The following SEC14L5 variants were observed in gnomAD, a reference collection of about 807,000 sequenced individuals.
SEC14L5 encodes SEC14 like lipid binding 5.
A neutral mutation model predicts 84.6 loss-of-function variants in SEC14L5; 96 were observed. The observed-to-expected ratio is 1.13, with a 90% confidence interval of 0.96 to 1.34. The LOEUF (loss-of-function observed/expected upper bound fraction) is 1.34. Among genes scored for constraint, SEC14L5 ranks in the 40% most tolerant of loss-of-function variants. The pLI, the probability that SEC14L5 is intolerant of heterozygous loss-of-function variation, is 0.00. For synonymous variants in SEC14L5, 546 were observed against 383.4 expected (o/e 1.42, Z -4.95); for missense variants, 1,224 against 942.5 (o/e 1.30, Z -3.91).
intron 3 of SEC14L5, 86 bp from the exon 4 acceptor site, chr16:4,988,063 T>G: frequency 6.9e-7 from 1 of 1,459,204 alleles, no homozygotes; most frequent in Non-Finnish European, 9.4e-7. Flanking sequence ...AGGGGGTGAC[T>G]GGGGCAGGCC....
intron 15 of SEC14L5, among the ~76,000 whole-genome samples, chr16:5,013,428 C>T (rs1955831070): frequency 6.6e-6 from 1 of 151,998 alleles, no homozygotes; most frequent in African/African-American, 2.4e-5. Flanking sequence ...GCTCTGTTAC[C>T]CAGGCTGGAG....
chr16:4,976,801 C>G (rs887084508), intron 2 of SEC14L5, among the ~76,000 whole-genome samples: 3 of 152,198 alleles, frequency 2.0e-5, no homozygotes, highest in African/African-American at 4.8e-5. Flanking sequence ...GTAACTGAAT[C>G]CTTCTGTGGC....
chr16:4,982,630 A>G (rs2142497298), intron 2 of SEC14L5, among the ~76,000 whole-genome samples: 1 of 152,322 alleles, frequency 6.6e-6, no homozygotes, highest in East Asian at 1.9e-4. Flanking sequence ...GCACAGTGGC[A>G]TGGAATCCAG....
At position 5,008,414 on chromosome 16, in the gene SEC14L5, C is replaced by T. The variant is rs764161543; in HGVS notation, c.1573-7C>T. ...GTGACTCTCAGACCTCGCCTGTCTC[C>T]ACACAGGTGGCCGTGGAGATCCTGG... On this transcript the variant is annotated splice_polypyrimidine_tract_variant and splice_region_variant and intron_variant, in intron 13 of 15. Transcript: ENST00000251170. 10 of 1,605,342 alleles carry T rather than the reference C, an allele frequency of 6.2e-6. No individual in the cohort carries two copies. The East Asian group carries it at 2.2e-4, about 36-fold the overall frequency.
intron 2 of SEC14L5, among the ~76,000 whole-genome samples, chr16:4,967,904 C>T (rs1041013119): frequency 6.7e-6 from 1 of 149,310 alleles, no homozygotes; most frequent in Non-Finnish European, 1.5e-5. Context: ...CACCTGGCCT[C>T]CTTCCTTCCT....
At chr16:5,011,074 G>A in intron 14 of SEC14L5, 21 bp from the exon 15 acceptor site, 1 of 1,575,550 alleles carries the variant, frequency 6.3e-7, no homozygotes, top group Non-Finnish European at 8.6e-7. Context: ...AGGGCCTCAG[G>A]GCAGGGCTGA....
chr16:4,999,433 C>T lies in SEC14L5; in HGVS notation c.971-1222C>T, dbSNP rs147604136. ...CAGCCTGGGCAACATAGTGAGCTCG[C>T]CCCCCTCCACCACATCTCCACAAAA... On this transcript the variant is annotated intron_variant, in intron 8 of 15. Transcript: ENST00000251170. Among the ~76,000 whole-genome samples, 597 of 151,318 alleles carry T rather than the reference C, an allele frequency of 3.9e-3. 5 individuals are homozygous for T. The highest frequency in any genetic ancestry group is 0.014 in the African/African-American group (565 of 41,188).
chr16:4,970,642 G>A (rs1304692996), intron 2 of SEC14L5, among the ~76,000 whole-genome samples: 1 of 152,210 alleles, frequency 6.6e-6, no homozygotes, highest in Non-Finnish European at 1.5e-5. Context: ...CCTGGGCCCC[G>A]CTCCTGACAC....
chr16:5,013,863 T>G (rs1955837442), intron 15 of SEC14L5, among the ~76,000 whole-genome samples: 1 of 152,116 alleles, frequency 6.6e-6, no homozygotes, highest in African/African-American at 2.4e-5. Context: ...TGGCCACTTT[T>G]AAAATTTTTT....
intron 15 of SEC14L5, among the ~76,000 whole-genome samples, chr16:5,014,200 T>A (rs533011329): frequency 5.9e-5 from 9 of 152,318 alleles, no homozygotes; most frequent in Non-Finnish European, 1.2e-4. Context: ...GAGCAGCCCA[T>A]GTGGCCAGTG....
chr16:4,990,290 G>A (rs1214035491), intron 4 of SEC14L5, among the ~76,000 whole-genome samples: 1 of 151,994 alleles, frequency 6.6e-6, no homozygotes, highest in African/African-American at 2.4e-5. Context: ...AGCCTCCCGA[G>A]TAGCTGGGAT....
intron 2 of SEC14L5, among the ~76,000 whole-genome samples, chr16:4,967,424 T>A (rs1955214464): frequency 6.6e-6 from 1 of 152,096 alleles, no homozygotes; most frequent in African/African-American, 2.4e-5. Context: ...CATTTACAGG[T>A]ACCAGGGCTT....
chr16:4,966,786 G>T (rs1955205745), intron 2 of SEC14L5, among the ~76,000 whole-genome samples: 1 of 152,198 alleles, frequency 6.6e-6, no homozygotes. Flanking sequence ...TTCAGAGCTG[G>T]ATGGAGGATC....
At chr16:4,994,569 C>G (rs1217856179) in intron 6 of SEC14L5, among the ~76,000 whole-genome samples, 1 of 152,134 alleles carries the variant, frequency 6.6e-6, no homozygotes, top group Non-Finnish European at 1.5e-5. Context: ...GTCTCGAACT[C>G]CTGACCTCAA....
intron 5 of SEC14L5, among the ~76,000 whole-genome samples, chr16:4,991,511 C>T (rs553773288): frequency 1.4e-3 from 217 of 151,918 alleles, no homozygotes; most frequent in Middle Eastern, 3.4e-3. Context: ...GGCTGCAGTG[C>T]GCTGAGATGA....
intron 7 of SEC14L5, 69 bp downstream of exon 7, chr16:4,996,529 G>A (rs1202388012): frequency 1.3e-6 from 1 of 775,856 alleles, no homozygotes; most frequent in Non-Finnish European, 2.2e-6. Flanking sequence ...TCCGTGCATG[G>A]GAAGGAAAGG....
chr16:4,961,271 TCAA>T (rs940125716), intron 2 of SEC14L5, among the ~76,000 whole-genome samples: 6 of 151,548 alleles, frequency 4.0e-5, no homozygotes, highest in African/African-American at 9.7e-5. Context: ...AGACTCCGTC[TCAA>T]CAACAACAAC....
intron 2 of SEC14L5, among the ~76,000 whole-genome samples, chr16:4,963,296 C>T (rs562420338): frequency 1.2e-4 from 18 of 152,294 alleles, no homozygotes; most frequent in Admixed American, 5.2e-4. Flanking sequence ...TCCCTTCCCA[C>T]GAATTTTGCT....
At chr16:5,004,402 G>C (rs902691422) in intron 11 of SEC14L5, among the ~76,000 whole-genome samples, 4 of 152,156 alleles carry the variant, frequency 2.6e-5, no homozygotes, top group Non-Finnish European at 5.9e-5. Context: ...CACATCAGCC[G>C]GGGTCCTGGC....
Sources: gnomAD v4.1 joint callset for allele counts (sites outside exome capture counted in the v4.1 genomes callset) on GRCh38, gnomAD v4.1.1 for gene constraint, MANE v1.5 for transcripts, NCBI Gene and HGNC (gene_info 2026-07-23, HGNC 2026-07-21) for gene names.